PTH2R: variants seen among roughly 807,000 people sequenced by gnomAD.
PTH2R encodes PTH2 receptor.
A neutral mutation model predicts 60.3 loss-of-function variants in PTH2R; 59 were observed. The observed-to-expected ratio is 0.98, with a 90% CI of 0.79 to 1.22. The LOEUF (loss-of-function observed/expected upper bound fraction) is 1.22. PTH2R is among the 50% of genes most tolerant of loss of function. The probability of loss-of-function intolerance (pLI) is 0.00; values close to 1 mark genes in which losing one functional copy is unlikely to be tolerated. For synonymous variants in PTH2R, 256 were observed against 243.8 expected, an observed-to-expected ratio of 1.05 and a Z score of -0.47; for missense variants, 749 against 682.6, an observed-to-expected ratio of 1.10 and a Z score of -1.08.
chr2:208,488,447 A>G (rs186351347), intron 10 of PTH2R, among the ~76,000 whole-genome samples: 1 of 152,340 alleles, frequency 6.6e-6, no homozygotes, highest in East Asian at 1.9e-4. Context: ...TTTAAGTCTC[A>G]AATATAGAAG....
intron 9 of PTH2R, among the ~76,000 whole-genome samples, chr2:208,461,222 G>A (rs1219124904): frequency 6.6e-6 from 1 of 151,954 alleles, no homozygotes; most frequent in East Asian, 1.9e-4. Context: ...TGAATGCATG[G>A]CTTAAATGTA....
At position 208,444,152 on chromosome 2, in the gene PTH2R, C is replaced by T. The variant is rs578259708; in HGVS notation, c.700-582C>T. 4.6e-5 allele frequency among the ~76,000 whole-genome samples: 7 copies of T among 152,246 alleles called. No homozygotes were observed. In the East Asian group the frequency reaches 1.4e-3, roughly 29 times the overall value. On this transcript the variant is annotated intron_variant, in intron 6 of 12. Coordinates refer to ENST00000272847, the MANE Select transcript of PTH2R (RefSeq NM_005048.4). ...CCTGCTGATTCTGATTCTGGGCTGG[C>T]ACTGAGACTTGCTTTCCCCAACAGA... is the stretch of plus-strand genomic sequence containing the variant.
chr2:208,412,085 GCTT>G (rs972269013), intron 1 of PTH2R, among the ~76,000 whole-genome samples: 2 of 152,050 alleles, frequency 1.3e-5, no homozygotes, highest in Non-Finnish European at 2.9e-5. Context: ...ATTTCTTACG[GCTT>G]CTTCTTCAGA....
intron 1 of PTH2R, among the ~76,000 whole-genome samples, chr2:208,387,576 T>C (rs774171364): frequency 4.3e-4 from 66 of 152,354 alleles, no homozygotes; most frequent in Non-Finnish European, 7.2e-4. Flanking sequence ...GCCATTTAAC[T>C]ACATTAGAAG....
intron 1 of PTH2R, among the ~76,000 whole-genome samples, chr2:208,425,666 G>A (rs533993966): frequency 1.3e-5 from 2 of 152,292 alleles, no homozygotes; most frequent in East Asian, 1.9e-4. Flanking sequence ...CCTGGGCAGA[G>A]CCAGAAACCC....
intron 1 of PTH2R, among the ~76,000 whole-genome samples, chr2:208,392,778 C>T (rs1237593926): frequency 6.6e-6 from 1 of 152,110 alleles, no homozygotes; most frequent in Non-Finnish European, 1.5e-5. Flanking sequence ...AGAAGATCTA[C>T]CTTCCTTCCT....
At chr2:208,427,499 A>G (rs969421538) in intron 1 of PTH2R, among the ~76,000 whole-genome samples, 2 of 152,224 alleles carry the variant, frequency 1.3e-5, no homozygotes, top group African/African-American at 4.8e-5. Context: ...TTTCTAAAAA[A>G]AAAATCGTTA....
chr2:208,449,384 T>C (rs185468484), intron 7 of PTH2R, among the ~76,000 whole-genome samples: 56 of 152,214 alleles, frequency 3.7e-4, no homozygotes, highest in African/African-American at 1.3e-3. Context: ...ATTTATATCA[T>C]TTAGAACAAT....
intron 1 of PTH2R, among the ~76,000 whole-genome samples, chr2:208,392,456 C>T: frequency 6.6e-6 from 1 of 152,132 alleles, no homozygotes; most frequent in African/African-American, 2.4e-5. Flanking sequence ...AGTTATAGCT[C>T]AACCTATTCT....
intron 1 of PTH2R, chr2:208,360,921 G>A: frequency 4.6e-6 from 1 of 216,184 alleles, no homozygotes; most frequent in African/African-American, 2.3e-5. Flanking sequence ...TCCCATGCTT[G>A]ACGTCGCAGG....
At chr2:208,489,926 T>G (rs990594369) in intron 11 of PTH2R, among the ~76,000 whole-genome samples, 4 of 152,188 alleles carry the variant, frequency 2.6e-5, no homozygotes, top group African/African-American at 9.7e-5. Flanking sequence ...GACTGCTTTT[T>G]CCCCAAATAT....
At chr2:208,414,562 G>GT (rs914251698) in intron 1 of PTH2R, among the ~76,000 whole-genome samples, 90 of 147,406 alleles carry the variant, frequency 6.1e-4, no homozygotes, top group East Asian at 1.2e-3. Context: ...TTTTTTTTCA[G>GT]TTTTTTTTTT....
rs1341839245 is a variant in PTH2R, at chr2:208,365,938, ATATATATATATATATATATATATTTT to A, written c.-259+5703_-259+5728del. ...TATAATATAATAGATAAATATATAT[ATATATATATATATATATATATATTTT>A]TTTTTTTTTTTTTTTTTTTTTTTTT... On this transcript the variant is annotated intron_variant, in intron 1 of 12. Transcript: ENST00000617735. Among the ~76,000 whole-genome samples the A allele has an allele frequency of 8.5e-3, 90 of 10,534 alleles. 2 individuals are homozygous for A. Among genetic ancestry groups the A allele is most frequent in the East Asian group, 0.038 (16 of 418 alleles). 6.9% of individuals were successfully genotyped at this position (10,534 alleles called of 152,430 possible). A position where few individuals can be genotyped will look rare whatever the true frequency, so the allele number is the denominator to read the frequency against.
intron 1 of PTH2R, among the ~76,000 whole-genome samples, chr2:208,390,118 C>G (rs1434374320): frequency 6.6e-6 from 1 of 152,188 alleles, no homozygotes; most frequent in East Asian, 1.9e-4. Flanking sequence ...GCACCCTTCT[C>G]CTCAAATTTT....
At chr2:208,422,414 CAT>C (rs1397304887) in intron 1 of PTH2R, among the ~76,000 whole-genome samples, 1 of 152,172 alleles carries the variant, frequency 6.6e-6, no homozygotes, top group Non-Finnish European at 1.5e-5. Context: ...TTTTAAAAAA[CAT>C]ATCCTTGTGA....
At chr2:208,431,438 C>T (rs1701970027) in intron 2 of PTH2R, among the ~76,000 whole-genome samples, 1 of 152,162 alleles carries the variant, frequency 6.6e-6, no homozygotes. Context: ...ATGAGCAACT[C>T]ATGAGGTTCT....
intron 5 of PTH2R, among the ~76,000 whole-genome samples, chr2:208,442,688 G>A (rs1702210657): frequency 6.6e-6 from 1 of 152,166 alleles, no homozygotes; most frequent in Non-Finnish European, 1.5e-5. Context: ...AACCCAATAA[G>A]TATGTACTGA....
chr2:208,376,790 C>A (rs925012436), intron 1 of PTH2R, among the ~76,000 whole-genome samples: 1 of 152,016 alleles, frequency 6.6e-6, no homozygotes, highest in Non-Finnish European at 1.5e-5. Flanking sequence ...ACGTCACTCC[C>A]TCTTTTATCC....
intron 7 of PTH2R, among the ~76,000 whole-genome samples, chr2:208,450,483 T>C (rs1238142560): frequency 2.0e-5 from 3 of 152,102 alleles, no homozygotes; most frequent in Non-Finnish European, 4.4e-5. Context: ...TCTCCAAATA[T>C]GGCTTTTCCC....
Sources: gnomAD v4.1 joint callset for allele counts (sites outside exome capture counted in the v4.1 genomes callset) on GRCh38, gnomAD v4.1.1 for gene constraint, MANE v1.5 for transcripts, NCBI Gene and HGNC (gene_info 2026-07-23, HGNC 2026-07-21) for gene names.